Variants in NPY1R observed in about 807,000 individuals in gnomAD.
The protein encoded by NPY1R is neuropeptide Y receptor Y1, also known as neuropeptide Y receptor type 1.
A neutral mutation model predicts 24.1 loss-of-function variants in NPY1R; 10 were observed. That is an observed-to-expected ratio of 0.42 (90% CI 0.26 to 0.71). The LOEUF (loss-of-function observed/expected upper bound fraction) is 0.71, where lower values mean the gene tolerates loss of function less well. Among genes scored for constraint, NPY1R ranks in the 30% least tolerant of loss-of-function variants. NPY1R has a pLI of 0.28. For synonymous variants in NPY1R, 168 were observed against 165.9 expected (o/e 1.01, Z -0.10); for missense variants, 350 against 458.0 (o/e 0.76, Z 2.15).
upstream of NPY1R, chr4:163,333,109 A>G (rs1262048568): frequency 1.3e-5 from 2 of 152,156 alleles, no homozygotes; most frequent in East Asian, 3.8e-4. Flanking sequence ...TTATAAGTGA[A>G]CAAAGAGAAG....
rs751119827 is a variant in NPY1R at position 163,326,342 on chromosome 4, C to T, written c.213G>A (p.Met71Ile). ...LIIIILKQKE[M>I]RNVTNILIVN... is the part of the protein sequence containing the mutation. Reference sequence around the variant, plus strand: ...CAATCAGGATGTTGGTAACATTTCTCATCTCCTTTTGTTTCAAGATGATTA... The same window carrying T: ...CAATCAGGATGTTGGTAACATTTCTTATCTCCTTTTGTTTCAAGATGATTA... Residue 71 changes from methionine (M) to isoleucine (I), a missense_variant, in exon 2 of 3, where the codon ATG (methionine) becomes ATA (isoleucine). Physicochemically the swap from Met to Ile is conservative, Grantham distance 10. Coordinates refer to ENST00000296533, the MANE Select transcript of NPY1R (RefSeq NM_000909.6). 8 of 1,613,924 alleles carry T rather than the reference C, an allele frequency of 5.0e-6. No homozygotes were observed. Among genetic ancestry groups the T allele is most frequent in the Non-Finnish European group, 6.8e-6 (8 of 1,179,944 alleles).
chr4:163,340,825 A>G (rs1044788850), intron 1 of NPY1R, among the ~76,000 whole-genome samples: 1 of 152,088 alleles, frequency 6.6e-6, no homozygotes, highest in Non-Finnish European at 1.5e-5. Flanking sequence ...TATCATATCT[A>G]TGTGTGTATG....
In NPY1R at chr4:163,324,715, A is replaced by G. The variant is rs1486867334; in HGVS notation, c.*588T>C. 6.9e-6 allele frequency: 1 copy of G among 144,786 alleles called. No homozygotes were observed. The highest frequency in any genetic ancestry group is 1.5e-5 in the Non-Finnish European group (1 of 66,638). 9.0% of individuals were successfully genotyped at this position (144,786 alleles called of 1,614,324 possible). On this transcript the variant is annotated 3_prime_UTR_variant, in exon 3 of 3. Coordinates refer to ENST00000296533, the MANE Select transcript of NPY1R (RefSeq NM_000909.6). Reference sequence around the variant, plus strand: ...TTCATTTAAGTGACAATCAGTTGGGAGCAAATTAAATCCTCCCTTAAGGTG... The same window carrying G: ...TTCATTTAAGTGACAATCAGTTGGGGGCAAATTAAATCCTCCCTTAAGGTG...
At position 163,326,211 on chromosome 4, in the gene NPY1R, A is replaced by T. The variant is rs1734603331; in HGVS notation, c.344T>A (p.Leu115Ter). 3.1e-6 allele frequency: 5 copies of T among 1,614,068 alleles called. No individual in the cohort carries two copies. Among genetic ancestry groups the T allele is most frequent in the Non-Finnish European group, 4.2e-6 (5 of 1,180,006 alleles). ...TGAAACACATTGCACAAAAGGATTC[A>T]ACTTACACATCGCCTCACCAAAGAC... ...HWVFGEAMCK[L>*]NPFVQCVSIT... Residue 115 changes from leucine (L) to a stop codon, truncating the protein, a stop_gained, in exon 2 of 3, where the codon TTG (leucine) becomes TAG (stop). Transcript: ENST00000296533. LOFTEE classifies it high-confidence loss of function.
chr4:163,330,747 C>A (rs140340535), intron 1 of NPY1R: 2 of 152,346 alleles, frequency 1.3e-5, no homozygotes, highest in Middle Eastern at 3.4e-3. Context: ...ATTTCCTCTT[C>A]TTTCTTTCCA....
chr4:163,334,861 G>GAAA (rs545497813), upstream of NPY1R, among the ~76,000 whole-genome samples: 6 of 66,912 alleles, frequency 9.0e-5, no homozygotes, highest in Non-Finnish European at 1.8e-4. Flanking sequence ...CTCTGTTTTG[G>GAAA]AAAAAAAAAA....
In NPY1R at chr4:163,328,595, GAC is replaced by G. The variant is rs1734660410; in HGVS notation, c.-151-1892_-151-1891del. On this transcript the variant is annotated intron_variant, in intron 1 of 2. Transcript: ENST00000296533. Reference sequence around the variant, plus strand: ...GGACCCTGGTTTGAGACACATGAGAGACAGAATACTAAGTACATTCCCCAGCC... The same window carrying G: ...GGACCCTGGTTTGAGACACATGAGAGAGAATACTAAGTACATTCCCCAGCC... 2.0e-5 allele frequency among the ~76,000 whole-genome samples: 3 copies of G among 152,274 alleles called. No homozygotes were observed. The South Asian group carries it at 6.2e-4, about 32-fold the overall frequency.
At chr4:163,340,369 G>A (rs1415763408) in intron 1 of NPY1R, among the ~76,000 whole-genome samples, 1 of 151,602 alleles carries the variant, frequency 6.6e-6, no homozygotes, top group Admixed American at 6.6e-5. Flanking sequence ...AAAGAATGAA[G>A]TACTGATATG....
upstream of NPY1R, among the ~76,000 whole-genome samples, chr4:163,336,354 T>C (rs1474278648): frequency 6.6e-6 from 1 of 152,244 alleles, no homozygotes; most frequent in Non-Finnish European, 1.5e-5. Context: ...TTTTACTATA[T>C]GATATAATGA....
Position 163,325,388 on chromosome 4 carries a change from G to C in NPY1R, c.1070C>G (p.Thr357Arg), listed in dbSNP as rs1046321476. Reference protein sequence around the residue: ...YETIAMSTMHTDVSKTSLKQA... With the variant: ...YETIAMSTMHRDVSKTSLKQA... Reference sequence around the variant, plus strand: ...CTTCAAAGAAGTTTTGGAAACATCTGTGTGCATCGTGGACATGGCTATTGT... The same window carrying C: ...CTTCAAAGAAGTTTTGGAAACATCTCTGTGCATCGTGGACATGGCTATTGT... Residue 357 changes from threonine to arginine, a missense_variant, in exon 3 of 3, where the codon ACA becomes AGA. Transcript: ENST00000296533. The C allele has an allele frequency of 6.2e-7, 1 of 1,614,110 alleles. No individual in the cohort carries two copies.
At position 163,324,270 on chromosome 4, in the gene NPY1R, A is replaced by G. The variant is rs941624048; in HGVS notation, c.*1033T>C. The G allele has an allele frequency of 4.6e-5, 7 of 152,632 alleles. No individual in the cohort carries two copies. The highest frequency in any genetic ancestry group is 1.0e-4 in the Non-Finnish European group (7 of 68,030). The allele number at this position is 152,632 out of a possible 1,614,324, so 9.5% of individuals were successfully genotyped here. On this transcript the variant is annotated 3_prime_UTR_variant, in exon 3 of 3. Transcript: ENST00000296533. Reference sequence around the variant, plus strand: ...TTTGTGTATTTTTCCCTGCTAGGTAAAGTGAATATTCCTTTAACATTGTAC... The same window carrying G: ...TTTGTGTATTTTTCCCTGCTAGGTAGAGTGAATATTCCTTTAACATTGTAC...
At position 163,343,012 on chromosome 4, in the gene NPY1R, ACACACACG is replaced by A. The variant is rs1244193136; in HGVS notation, c.-152+1285_-152+1292del. Among the ~76,000 whole-genome samples, 235 of 76,618 alleles carry A rather than the reference ACACACACG, an allele frequency of 3.1e-3. 4 individuals carry two copies. In the South Asian group the frequency reaches 0.052, roughly 17 times the overall value. 50.3% of individuals were successfully genotyped at this position (76,618 alleles called of 152,430 possible). A position where few individuals can be genotyped will look rare whatever the true frequency, so the allele number is the denominator to read the frequency against. On this transcript the variant is annotated intron_variant, in intron 1 of 1. Transcript: ENST00000511901. ...CACACACACACACACACACACACACACACACACGCGCGCGCGCCTAAAGTACCTGCCAC... is the reference window on the plus strand; with the variant it reads ...CACACACACACACACACACACACACACGCGCGCGCCTAAAGTACCTGCCAC...
intron 1 of NPY1R, chr4:163,330,867 T>C (rs552098071): frequency 2.6e-5 from 4 of 152,368 alleles, no homozygotes; most frequent in African/African-American, 4.8e-5. Flanking sequence ...ATACTCAGGA[T>C]TGGCTGGCTG....
upstream of NPY1R, among the ~76,000 whole-genome samples, chr4:163,336,611 T>G (rs988959927): frequency 1.2e-4 from 19 of 152,290 alleles, no homozygotes; most frequent in Non-Finnish European, 2.6e-4. Context: ...ATGGCCAATG[T>G]CAATAGATCA....
intron 1 of NPY1R, among the ~76,000 whole-genome samples, chr4:163,343,624 A>G (rs4314240): frequency 0.87 from 132,943 of 152,036 alleles, 58,333 homozygotes; most frequent in Middle Eastern, 0.93. Flanking sequence ...CACAGGGTTG[A>G]GGGCTGGACC....
In NPY1R at chr4:163,325,767, G is replaced by GA; in HGVS notation, c.700-10dup. 2 of 1,571,598 alleles carry GA rather than the reference G, an allele frequency of 1.3e-6. No homozygotes were observed. Among genetic ancestry groups the GA allele is most frequent in the Non-Finnish European group, 1.7e-6 (2 of 1,154,968 alleles). On this transcript the variant is annotated splice_polypyrimidine_tract_variant and intron_variant, in intron 2 of 2. Transcript: ENST00000296533. The stretch of plus-strand genomic sequence containing the variant: ...TTTAGGCGTATATATATCTATGGAA[G>GA]AAAAAAGTTTAAATAGAAACACTCA...
chr4:163,325,934 A>G lies in NPY1R; in HGVS notation c.621T>C (p.His207=). ...VCFDQFPSDS[H]RLSYTTLLLV... ...AGAGGAGAGTGGTATAAGACAACCT[A>G]TGAGAGTCCGATGGAAATTGATCAA... The change falls in exon 2 of 3, where the codon CAT becomes CAC. Residue 207 remains histidine (H), a synonymous_variant. Coordinates refer to ENST00000296533, the MANE Select transcript of NPY1R (RefSeq NM_000909.6). 1.2e-6 allele frequency: 2 copies of G among 1,614,072 alleles called. No homozygotes were observed. Among genetic ancestry groups the G allele is most frequent in the Non-Finnish European group, 1.7e-6 (2 of 1,179,948 alleles).
At chr4:163,343,619 G>A (rs1467011092) in intron 1 of NPY1R, among the ~76,000 whole-genome samples, 1 of 152,082 alleles carries the variant, frequency 6.6e-6, no homozygotes, top group South Asian at 2.1e-4. Context: ...CACTACACAG[G>A]GTTGAGGGCT....
chr4:163,333,346 A>T (rs1032440936), upstream of NPY1R, among the ~76,000 whole-genome samples: 1 of 152,156 alleles, frequency 6.6e-6, no homozygotes, highest in Non-Finnish European at 1.5e-5. Context: ...TACACCGAGT[A>T]CGTTGAAGGC....
Sources: gnomAD v4.1 joint callset for allele counts (sites outside exome capture counted in the v4.1 genomes callset) on GRCh38, gnomAD v4.1.1 for gene constraint, MANE v1.5 for transcripts, NCBI Gene and HGNC (gene_info 2026-07-23, HGNC 2026-07-21) for gene names.